Variants in GLIS3 observed in about 807,000 individuals in gnomAD.
GLIS3 encodes the protein GLIS family zinc finger 3.
Under a neutral mutation model 78.6 loss-of-function variants are expected in GLIS3, and 53 were observed. That is an observed-to-expected ratio of 0.67 (90% CI 0.54 to 0.85). GLIS3 has a LOEUF of 0.85. Ranked by LOEUF, GLIS3 falls within the 40% of genes least tolerant of loss-of-function variation. The pLI, the probability that GLIS3 is intolerant of heterozygous loss-of-function variation, is 0.00. For missense variants in GLIS3, 1,703 were observed against 1,231.1 expected (o/e 1.38, Z -5.74); for synonymous variants, 684 against 509.9 (o/e 1.34, Z -4.60).
chr9:4,188,209 G>T (rs368897023), intron 2 of GLIS3, among the ~76,000 whole-genome samples: 1 of 151,562 alleles, frequency 6.6e-6, no homozygotes, highest in Non-Finnish European at 1.5e-5. Context: ...AGCATGAAGG[G>T]TTGTTGAATT....
chr9:4,406,767 C>G, the GLIS3 span, among the ~76,000 whole-genome samples: 1 of 152,062 alleles, frequency 6.6e-6, no homozygotes, highest in South Asian at 2.1e-4. Flanking sequence ...TCAATAAAAA[C>G]TATAAAACAC....
intron 2 of GLIS3, among the ~76,000 whole-genome samples, chr9:4,274,160 G>C (rs1401152909): frequency 6.6e-6 from 1 of 152,162 alleles, no homozygotes. Flanking sequence ...GCCTGAACTG[G>C]ACAATGGGTC....
At chr9:4,185,686 T>G (rs941869410) in intron 2 of GLIS3, among the ~76,000 whole-genome samples, 1 of 152,206 alleles carries the variant, frequency 6.6e-6, no homozygotes, top group Non-Finnish European at 1.5e-5. Context: ...ATCATGTGGA[T>G]AGCAGTCTGC....
rs142174368 is a variant in GLIS3 at position 4,118,772 on chromosome 9, A to C, written c.706T>G (p.Ser236Ala). The change falls in exon 4 of 11, where the codon TCG becomes GCG. Residue 236 changes from serine to alanine, a missense_variant. Ser to Ala is a moderately conservative substitution (Grantham distance 99). Transcript: ENST00000381971. This position sits in a 1 kb window ranked among gnomAD's most constrained non-coding sequence, Gnocchi z 4.7. ...TTCTGAGAGCCGTGGTTGGAGAGCGAAGGGAGGGCCCTGTAGCCCTGGGAC... is the reference window on the plus strand; with the variant it reads ...TTCTGAGAGCCGTGGTTGGAGAGCGCAGGGAGGGCCCTGTAGCCCTGGGAC... ...EWSQGYRALP[S>A]LSNHGSQNGL... 4.3e-6 allele frequency: 7 copies of C among 1,613,130 alleles called. No homozygotes were observed. The highest frequency in any genetic ancestry group is 1.6e-4 in the Middle Eastern group (1 of 6,062).
chr9:4,272,481 G>C (rs560724226), intron 2 of GLIS3, among the ~76,000 whole-genome samples: 2 of 152,252 alleles, frequency 1.3e-5, no homozygotes, highest in East Asian at 3.9e-4. Flanking sequence ...ACCTCCTGCC[G>C]GGTGTGCTTG....
chr9:4,481,514 A>G, the GLIS3 span, among the ~76,000 whole-genome samples: 1 of 99,454 alleles, frequency 1.0e-5, no homozygotes, highest in South Asian at 3.1e-4. Flanking sequence ...TTAAAAACAT[A>G]AGTGTGTGTG....
At chr9:3,831,284 A>G (rs1339654580) in intron 9 of GLIS3, among the ~76,000 whole-genome samples, 2 of 152,206 alleles carry the variant, frequency 1.3e-5, no homozygotes, top group African/African-American at 4.8e-5. Context: ...TTGATGCCCA[A>G]AGGCATGGTT....
the GLIS3 span, among the ~76,000 whole-genome samples, chr9:4,474,958 A>C: frequency 6.8e-6 from 1 of 147,458 alleles, no homozygotes; most frequent in Non-Finnish European, 1.5e-5. Flanking sequence ...AACTTAAAGG[A>C]AACTTTTCAT....
chr9:4,187,642 T>A (rs10814867), intron 2 of GLIS3, among the ~76,000 whole-genome samples: 1 of 151,942 alleles, frequency 6.6e-6, no homozygotes, highest in African/African-American at 2.4e-5. Context: ...GGAATGTTCT[T>A]CCATTTGTTT....
At chr9:4,059,564 C>A (rs1393775016) in intron 4 of GLIS3, among the ~76,000 whole-genome samples, 1 of 152,190 alleles carries the variant, frequency 6.6e-6, no homozygotes, top group Non-Finnish European at 1.5e-5. Context: ...TGCCTACCAT[C>A]CTTCTGCACT....
chr9:4,238,572 A>G (rs913106388), intron 2 of GLIS3, among the ~76,000 whole-genome samples: 1 of 152,244 alleles, frequency 6.6e-6, no homozygotes, highest in African/African-American at 2.4e-5. Flanking sequence ...TGAAGCAACC[A>G]AAGAAAGCTT....
chr9:4,254,671 C>T (rs907509065), intron 2 of GLIS3, among the ~76,000 whole-genome samples: 5 of 151,958 alleles, frequency 3.3e-5, no homozygotes, highest in Non-Finnish European at 5.9e-5. Flanking sequence ...GAAACCCCAT[C>T]TCTACTAAAA....
chr9:4,180,553 C>T (rs953024229), intron 2 of GLIS3, among the ~76,000 whole-genome samples: 2 of 152,142 alleles, frequency 1.3e-5, no homozygotes, highest in Admixed American at 6.5e-5. Flanking sequence ...AAGTATGAGG[C>T]CTATCATCAG....
intron 2 of GLIS3, among the ~76,000 whole-genome samples, chr9:4,254,858 A>T (rs10974412): frequency 6.7e-6 from 1 of 149,642 alleles, no homozygotes; most frequent in African/African-American, 2.4e-5. Flanking sequence ...AAAAAAAAGA[A>T]AAAAAGATAA....
At chr9:4,189,846 T>C (rs1351628030) in intron 2 of GLIS3, among the ~76,000 whole-genome samples, 3 of 152,162 alleles carry the variant, frequency 2.0e-5, no homozygotes, top group East Asian at 1.9e-4. Context: ...TTCCATTTGC[T>C]TGGTAGATCT....
rs142234275 is a variant in GLIS3, at chr9:3,855,419, CAAAG to C, written c.2473+586_2473+589del. On this transcript the variant is annotated intron_variant, in intron 9 of 10. Coordinates refer to ENST00000381971, the MANE Select transcript of GLIS3 (RefSeq NM_001042413.2). ...TTTCTGATGGGTCAGAAAATGCTCA[CAAAG>C]AAGTCTGCACATTAATAGTGAAAGT... 8.5e-3 allele frequency: 1,328 copies of C among 156,210 alleles called. 14 individuals are homozygous for C. Among genetic ancestry groups the C allele is most frequent in the African/African-American group, 0.029 (1,225 of 41,530 alleles). 9.7% of individuals were successfully genotyped at this position (156,210 alleles called of 1,614,324 possible). A position where few individuals can be genotyped will look rare whatever the true frequency, so the allele number is the denominator to read the frequency against.
intron 4 of GLIS3, among the ~76,000 whole-genome samples, chr9:3,938,793 C>G (rs1374337938): frequency 6.6e-6 from 1 of 152,144 alleles, no homozygotes; most frequent in Non-Finnish European, 1.5e-5. Flanking sequence ...ACTTTTTCAG[C>G]AGAGTGAAAG....
At chr9:4,138,528 G>A (rs1403363737) in intron 2 of GLIS3, among the ~76,000 whole-genome samples, 1 of 152,188 alleles carries the variant, frequency 6.6e-6, no homozygotes, top group Non-Finnish European at 1.5e-5. Flanking sequence ...ATGGCAGGAG[G>A]AGAGGGGGCA....
intron 2 of GLIS3, among the ~76,000 whole-genome samples, chr9:4,127,384 T>C (rs971741376): frequency 3.3e-5 from 5 of 152,340 alleles, no homozygotes; most frequent in African/African-American, 1.2e-4. Context: ...TCTGATTTTC[T>C]TTCCCAGATA....
Sources: allele counts gnomAD v4.1 joint callset (sites outside exome capture counted in the v4.1 genomes callset), GRCh38; gene constraint gnomAD v4.1.1; non-coding constraint Gnocchi (gnomAD v3.1); transcripts MANE v1.5; gene names NCBI Gene and HGNC (gene_info 2026-07-23, HGNC 2026-07-21).